The following UGGT1 variants were observed in gnomAD, a reference collection of about 807,000 sequenced individuals.
UGGT1 encodes UDP-glucose glycoprotein glucosyltransferase 1, also known as UDP-glucose:glycoprotein glucosyltransferase 1.
A neutral mutation model predicts 203.9 loss-of-function variants in UGGT1; 107 were observed. The ratio of observed to expected loss-of-function variants is 0.52; its 90% CI spans 0.45 to 0.62. UGGT1 has a LOEUF of 0.62. UGGT1 is among the 20% of genes least tolerant of loss of function. The pLI, the probability that UGGT1 is intolerant of heterozygous loss-of-function variation, is 0.00. For missense variants in UGGT1, 1,673 were observed against 1,867.2 expected (o/e 0.90, Z 1.92); for synonymous variants, 628 against 653.5 (o/e 0.96, Z 0.59).
At chr2:128,138,173 G>A (rs1689224710) in intron 15 of UGGT1, among the ~76,000 whole-genome samples, 1 of 152,150 alleles carries the variant, frequency 6.6e-6, no homozygotes, top group Non-Finnish European at 1.5e-5. Flanking sequence ...GAAATGGCTT[G>A]CTTTAACAGT....
chr2:128,130,971 G>A (rs1338653405), intron 13 of UGGT1, among the ~76,000 whole-genome samples: 1 of 151,996 alleles, frequency 6.6e-6, no homozygotes, highest in African/African-American at 2.4e-5. Flanking sequence ...AGTGGCTCAC[G>A]CCTGTAATCC....
chr2:128,153,024 T>G, intron 19 of UGGT1, 120 bp downstream of exon 19: 1 of 1,425,266 alleles, frequency 7.0e-7, no homozygotes, highest in Non-Finnish European at 9.4e-7. Context: ...AGCCCAAGAT[T>G]GTGACAAAAT....
At position 128,108,022 on chromosome 2, in the gene UGGT1, G is replaced by A; in HGVS notation, c.362G>A (p.Cys121Tyr). 6.2e-7 allele frequency: 1 copy of A among 1,613,996 alleles called. No individual in the cohort carries two copies. The highest frequency in any genetic ancestry group is 8.5e-7 in the Non-Finnish European group (1 of 1,179,980). Residue 121 changes from cysteine (C) to tyrosine (Y), a missense_variant, in exon 4 of 41, where the codon TGT becomes TAT. Physicochemically the swap from Cys to Tyr is radical, Grantham distance 194. Transcript: ENST00000259253. ...SPLQQNLFKF[C>Y]LSLRSYSATI... ...CTCCAGCAGAATTTGTTTAAATTTT[G>A]TCTGTCCCTTCGTTCTTACTCAGCT...
intron 26 of UGGT1, among the ~76,000 whole-genome samples, chr2:128,167,174 A>G (rs760910737): frequency 5.9e-5 from 9 of 152,178 alleles, no homozygotes; most frequent in Non-Finnish European, 1.2e-4. Context: ...TTCCTAATCA[A>G]CCTGCCATCT....
chr2:128,123,632 C>T (rs192803354), intron 11 of UGGT1, among the ~76,000 whole-genome samples: 2 of 152,308 alleles, frequency 1.3e-5, no homozygotes, highest in Non-Finnish European at 2.9e-5. Context: ...AACTTTCTTT[C>T]ACTGCCTCCC....
chr2:128,117,459 T>C (rs1247761948), intron 8 of UGGT1, among the ~76,000 whole-genome samples: 1 of 152,230 alleles, frequency 6.6e-6, no homozygotes, highest in Non-Finnish European at 1.5e-5. Context: ...TCCATAATTA[T>C]GTAATCATTT....
At chr2:128,099,318 A>AT (rs770086659) in intron 2 of UGGT1, among the ~76,000 whole-genome samples, 3 of 151,532 alleles carry the variant, frequency 2.0e-5, no homozygotes, top group Non-Finnish European at 4.4e-5. Flanking sequence ...TTATTTTTGT[A>AT]TGTTTTATAG....
At position 128,145,972 on chromosome 2, in the gene UGGT1, G is replaced by A. The variant is rs745526638; in HGVS notation, c.2016+5G>A. 5 of 1,613,632 alleles carry A rather than the reference G, an allele frequency of 3.1e-6. No individual in the cohort carries two copies. The highest frequency in any genetic ancestry group is 4.2e-6 in the Non-Finnish European group (5 of 1,179,928). On this transcript the variant is annotated splice_donor_5th_base_variant and intron_variant, in intron 18 of 40. Coordinates refer to ENST00000259253, the MANE Select transcript of UGGT1 (RefSeq NM_020120.4). ...TTCCAAAGAGCGGTGTACTTGGTGA[G>A]TCACGTTTCAAGGCTGATTTTTTAA...
At chr2:128,095,676 T>C (rs947772261) in intron 1 of UGGT1, among the ~76,000 whole-genome samples, 1 of 152,094 alleles carries the variant, frequency 6.6e-6, no homozygotes, top group African/African-American at 2.4e-5. Context: ...TTTTTTGGTT[T>C]CCAAAGAAGC....
chr2:128,167,644 A>C (rs921825550), intron 26 of UGGT1, among the ~76,000 whole-genome samples: 2 of 152,224 alleles, frequency 1.3e-5, no homozygotes, highest in Non-Finnish European at 2.9e-5. Context: ...AACCATAGGC[A>C]AATGTGTATA....
intron 12 of UGGT1, 120 bp from the exon 13 acceptor site, chr2:128,128,909 A>T: frequency 9.9e-7 from 1 of 1,005,176 alleles, no homozygotes; most frequent in Non-Finnish European, 1.4e-6. Context: ...TTGCTTTTTT[A>T]AATTTCTCAA....
intron 39 of UGGT1, 93 bp from the exon 40 acceptor site, chr2:128,187,356 G>T: frequency 7.2e-7 from 1 of 1,383,620 alleles, no homozygotes; most frequent in Non-Finnish European, 9.7e-7. Context: ...TTGTTTTCTT[G>T]TCCAGTTAGG....
At chr2:128,146,266 A>AC (rs1389475733) in intron 18 of UGGT1, among the ~76,000 whole-genome samples, 1 of 152,030 alleles carries the variant, frequency 6.6e-6, no homozygotes, top group Non-Finnish European at 1.5e-5. Flanking sequence ...AGCTGTGATT[A>AC]CCCCACTGTA....
At chr2:128,138,918 G>T in intron 16 of UGGT1, 66 bp downstream of exon 16, 1 of 1,586,044 alleles carries the variant, frequency 6.3e-7, no homozygotes, top group Non-Finnish European at 8.6e-7. Context: ...AACAATGTGT[G>T]GTCATTGTAT....
At chr2:128,102,219 T>C (rs1348225256) in intron 2 of UGGT1, among the ~76,000 whole-genome samples, 1 of 152,100 alleles carries the variant, frequency 6.6e-6, no homozygotes, top group African/African-American at 2.4e-5. Flanking sequence ...CTTGGCTCAC[T>C]GCAACCTCCA....
At chr2:128,106,409 C>T (rs1687607485) in intron 3 of UGGT1, among the ~76,000 whole-genome samples, 2 of 152,058 alleles carry the variant, frequency 1.3e-5, no homozygotes, top group Admixed American at 6.6e-5. Context: ...ATATTCCTGC[C>T]ACCCAAAGAT....
At chr2:128,174,736 T>C in intron 30 of UGGT1, 37 bp from the exon 31 acceptor site, 3 of 1,541,590 alleles carry the variant, frequency 1.9e-6, no homozygotes, top group Non-Finnish European at 1.8e-6. Flanking sequence ...TTTTGGTGTT[T>C]TGAAGAGAGC....
intron 19 of UGGT1, among the ~76,000 whole-genome samples, chr2:128,154,058 T>TAC (rs768281875): frequency 0.01 from 893 of 86,884 alleles, 3 homozygotes; most frequent in Admixed American, 0.024. Flanking sequence ...TACATGTATA[T>TAC]ATACACACAC....
chr2:128,191,037 TG>T lies in UGGT1; in HGVS notation c.*1298del, dbSNP rs879529095. On this transcript the variant is annotated 3_prime_UTR_variant, in exon 41 of 41. Coordinates refer to ENST00000259253, the MANE Select transcript of UGGT1 (RefSeq NM_020120.4). ...GTCTTGAGTATGTTATTGGCCTAAG[TG>T]GGCATGAGGCCCCAGCATCCGACTC... is the stretch of plus-strand genomic sequence containing the variant. 2 of 152,264 alleles carry T rather than the reference TG, an allele frequency of 1.3e-5. No homozygotes were observed. Among genetic ancestry groups the T allele is most frequent in the Non-Finnish European group, 2.9e-5 (2 of 68,082 alleles). 9.4% of individuals were successfully genotyped at this position (152,264 alleles called of 1,614,324 possible). A position where few individuals can be genotyped will look rare whatever the true frequency, so the allele number is the denominator to read the frequency against.
Sources: gnomAD v4.1 joint callset for allele counts (sites outside exome capture counted in the v4.1 genomes callset) on GRCh38, gnomAD v4.1.1 for gene constraint, MANE v1.5 for transcripts, NCBI Gene and HGNC (gene_info 2026-07-23, HGNC 2026-07-21) for gene names.